SETD3: variants seen among roughly 807,000 people sequenced by gnomAD.
SETD3 encodes the protein SET domain containing 3, actin N3(tau)-histidine methyltransferase.
SETD3 carries 19 observed loss-of-function variants against 63.0 expected under a neutral mutation model. The observed-to-expected ratio is 0.30, with a 90% CI of 0.21 to 0.44. The LOEUF (loss-of-function observed/expected upper bound fraction) is 0.44, where lower values mean the gene tolerates loss of function less well. SETD3 is among the 20% of genes least tolerant of loss of function. The pLI, the probability that SETD3 is intolerant of heterozygous loss-of-function variation, is 1.00. For missense variants in SETD3, 587 were observed against 728.5 expected, an observed-to-expected ratio of 0.81 and a Z score of 2.24; for synonymous variants, 286 against 264.1, an observed-to-expected ratio of 1.08 and a Z score of -0.80.
chr14:99,438,785 T>C (rs1192920148), intron 6 of SETD3, among the ~76,000 whole-genome samples: 1 of 152,222 alleles, frequency 6.6e-6, no homozygotes, highest in African/African-American at 2.4e-5. Flanking sequence ...CTGGCAAGGC[T>C]TGCTGGAGGC....
intron 6 of SETD3, among the ~76,000 whole-genome samples, chr14:99,419,901 A>G (rs1892493623): frequency 6.6e-6 from 1 of 152,208 alleles, no homozygotes; most frequent in South Asian, 2.1e-4. Context: ...TACTCAACAA[A>G]TATTTATTGA....
chr14:99,453,497 T>C (rs550335053), intron 6 of SETD3, among the ~76,000 whole-genome samples: 4 of 152,284 alleles, frequency 2.6e-5, no homozygotes, highest in African/African-American at 9.6e-5. Context: ...ACAGCTCCTA[T>C]TCCAATAGGA....
intron 11 of SETD3, among the ~76,000 whole-genome samples, chr14:99,403,203 TG>T (rs1397211484): frequency 2.6e-5 from 4 of 152,144 alleles, no homozygotes; most frequent in African/African-American, 9.7e-5. Flanking sequence ...ACCCTGGACT[TG>T]TGCTGCACTG....
intron 4 of SETD3, among the ~76,000 whole-genome samples, chr14:99,459,843 G>C (rs1894972170): frequency 6.6e-6 from 1 of 152,178 alleles, no homozygotes; most frequent in African/African-American, 2.4e-5. Flanking sequence ...GAGGGCAGCT[G>C]TCTGCAAACC....
At chr14:99,442,818 G>A (rs1278651332) in intron 6 of SETD3, among the ~76,000 whole-genome samples, 3 of 152,192 alleles carry the variant, frequency 2.0e-5, no homozygotes, top group East Asian at 1.9e-4. Context: ...GGTGGGGTCA[G>A]CATCACTGCC....
At chr14:99,408,724 G>A (rs1490993025) in intron 8 of SETD3, among the ~76,000 whole-genome samples, 3 of 152,242 alleles carry the variant, frequency 2.0e-5, no homozygotes, top group Admixed American at 6.5e-5. Flanking sequence ...CCCTTTCTCA[G>A]CAAGGGTCAG....
chr14:99,449,150 G>A (rs1894308797), intron 6 of SETD3, among the ~76,000 whole-genome samples: 1 of 152,164 alleles, frequency 6.6e-6, no homozygotes, highest in African/African-American at 2.4e-5. Flanking sequence ...CTTCCTTTTA[G>A]TAAAATCCCA....
At position 99,398,884 on chromosome 14, in the gene SETD3, T is replaced by A. The variant is rs1193433202; in HGVS notation, c.1580A>T (p.Glu527Val). ...SRLPLVLRNL[E>V]EEAGVQDALN... The stretch of plus-strand genomic sequence containing the variant: ...GGCATCCTGCACTCCAGCCTCCTCC[T>A]CGAGGTTTCTCAAGACCAGGGGGAG... Residue 527 changes from glutamate (E) to valine (V), a missense_variant, in exon 13 of 13, where the codon GAG (glutamate) becomes GTG (valine). Glu to Val is a moderately radical substitution (Grantham distance 121). Coordinates refer to ENST00000331768, the MANE Select transcript of SETD3 (RefSeq NM_032233.3). 1 of 1,614,042 alleles carries A rather than the reference T, an allele frequency of 6.2e-7. No homozygotes were observed. The highest frequency in any genetic ancestry group is 8.5e-7 in the Non-Finnish European group (1 of 1,180,000).
At chr14:99,479,513 C>A (rs1256212066) in intron 1 of SETD3, among the ~76,000 whole-genome samples, 1 of 152,144 alleles carries the variant, frequency 6.6e-6, no homozygotes, top group Non-Finnish European at 1.5e-5. Flanking sequence ...AATGTATTCG[C>A]TTAAAATAAT....
At position 99,405,724 on chromosome 14, in the gene SETD3, A is replaced by G. The variant is rs141916039; in HGVS notation, c.925-353T>C. 2.6e-5 allele frequency among the ~76,000 whole-genome samples: 4 copies of G among 152,288 alleles called. No individual in the cohort carries two copies. In the East Asian group the frequency reaches 5.8e-4, roughly 22 times the overall value. On this transcript the variant is annotated intron_variant, in intron 9 of 12. Coordinates refer to ENST00000331768, the MANE Select transcript of SETD3 (RefSeq NM_032233.3). ...TCCAAAGGACAGCAAGGCTATTACT[A>G]TAAGACTGTATTTTAAAATTCACCA...
At chr14:99,400,487 C>G (rs1054030477) in intron 11 of SETD3, among the ~76,000 whole-genome samples, 4 of 152,172 alleles carry the variant, frequency 2.6e-5, no homozygotes, top group Non-Finnish European at 5.9e-5. Context: ...CTGATCAAGC[C>G]TTGGTAGCAC....
chr14:99,461,162 C>T (rs1355850218), intron 4 of SETD3, 30 bp downstream of exon 4: 3 of 1,612,132 alleles, frequency 1.9e-6, no homozygotes, highest in Non-Finnish European at 8.5e-7. Flanking sequence ...AACACATAGA[C>T]CCCTTGAGAC....
At chr14:99,456,119 C>T (rs1038582320) in intron 6 of SETD3, among the ~76,000 whole-genome samples, 8 of 152,162 alleles carry the variant, frequency 5.3e-5, no homozygotes, top group African/African-American at 1.9e-4. Context: ...CATGCCACTA[C>T]ACTCTAGCCT....
chr14:99,441,103 G>C (rs893527754), intron 6 of SETD3, among the ~76,000 whole-genome samples: 2 of 152,232 alleles, frequency 1.3e-5, no homozygotes, highest in Non-Finnish European at 2.9e-5. Flanking sequence ...GGGTAAACCT[G>C]TCATAGAGGG....
At chr14:99,484,043 T>TA (rs957766345), upstream of SETD3, among the ~76,000 whole-genome samples, 2 of 152,150 alleles carry the variant, frequency 1.3e-5, no homozygotes, top group African/African-American at 2.4e-5. Flanking sequence ...TCAAAAAAAA[T>TA]AAAAAATAAA....
intron 6 of SETD3, among the ~76,000 whole-genome samples, chr14:99,441,700 G>A (rs1893825075): frequency 6.6e-6 from 1 of 152,224 alleles, no homozygotes; most frequent in East Asian, 1.9e-4. Flanking sequence ...ATCACCACCA[G>A]AGGGAGTGGA....
intron 6 of SETD3, among the ~76,000 whole-genome samples, chr14:99,453,775 G>A (rs767050228): frequency 2.0e-5 from 3 of 151,702 alleles, no homozygotes; most frequent in Non-Finnish European, 4.4e-5. Flanking sequence ...GCAGTGAGCC[G>A]AGATCATGCC....
At chr14:99,406,741 A>G in intron 8 of SETD3, 151 bp from the exon 9 acceptor site, 1 of 697,532 alleles carries the variant, frequency 1.4e-6, no homozygotes. Context: ...TGGGGCAAAG[A>G]ACTGCTTGAG....
At chr14:99,461,583 T>C (rs1013128791) in intron 3 of SETD3, among the ~76,000 whole-genome samples, 3 of 152,196 alleles carry the variant, frequency 2.0e-5, no homozygotes, top group Non-Finnish European at 2.9e-5. Flanking sequence ...CTAGGTAATA[T>C]AAATATTGAC....
Sources: gnomAD v4.1 joint callset for allele counts (sites outside exome capture counted in the v4.1 genomes callset) on GRCh38, gnomAD v4.1.1 for gene constraint, MANE v1.5 for transcripts, NCBI Gene and HGNC (gene_info 2026-07-23, HGNC 2026-07-21) for gene names.